The following ABCG2 variants were observed in gnomAD, a reference collection of about 807,000 sequenced individuals.
ABCG2 encodes the protein ATP binding cassette subfamily G member 2 (JR blood group), also known as broad substrate specificity ATP-binding cassette transporter ABCG2.
A neutral mutation model predicts 73.5 loss-of-function variants in ABCG2; 80 were observed. That is an observed-to-expected ratio of 1.09 (90% CI 0.91 to 1.31). The LOEUF is 1.31. Among genes scored for constraint, ABCG2 ranks in the 50% most tolerant of loss-of-function variants. The pLI is 0.00. For missense variants in ABCG2, 796 were observed against 786.2 expected (o/e 1.01, Z -0.15); for synonymous variants, 269 against 282.4 (o/e 0.95, Z 0.48).
chr4:88,128,668 G>C (rs1354973717), intron 5 of ABCG2, among the ~76,000 whole-genome samples: 1 of 152,096 alleles, frequency 6.6e-6, no homozygotes. Context: ...AACTAACACA[G>C]GAACAGAAAA....
chr4:88,168,590 A>G (rs972242472), intron 1 of ABCG2, among the ~76,000 whole-genome samples: 1 of 152,118 alleles, frequency 6.6e-6, no homozygotes, highest in Non-Finnish European at 1.5e-5. Context: ...TTGATAATTA[A>G]CCTGCAGAGT....
At chr4:88,210,121 A>G (rs1448733694) in intron 1 of ABCG2, among the ~76,000 whole-genome samples, 1 of 152,148 alleles carries the variant, frequency 6.6e-6, no homozygotes, top group Non-Finnish European at 1.5e-5. Flanking sequence ...ATAAGTTGGT[A>G]ATAAAATGTT....
In ABCG2 at chr4:88,113,221, A is replaced by G. The variant is rs935247790; in HGVS notation, c.1194+82T>C. The G allele has an allele frequency of 6.7e-6, 10 of 1,498,600 alleles. No homozygotes were observed. The Admixed American group carries it at 8.4e-5, about 13-fold the overall frequency. 92.8% of individuals were successfully genotyped at this position (1,498,600 alleles called of 1,614,324 possible). On this transcript the variant is annotated intron_variant, in intron 9 of 15. Coordinates refer to ENST00000237612, the MANE Select transcript of ABCG2 (RefSeq NM_004827.3). ...ATAACAAATAATTGGAAGGGTGGGT[A>G]GAAGATAAACATATCCTGAAGCAGA...
intron 1 of ABCG2, among the ~76,000 whole-genome samples, chr4:88,205,894 G>A (rs1729357964): frequency 6.6e-6 from 1 of 151,164 alleles, no homozygotes; most frequent in Admixed American, 6.6e-5. Context: ...TGTTGGCCAG[G>A]ATGGTCTCGA....
At chr4:88,156,186 C>G (rs555832556) in intron 1 of ABCG2, among the ~76,000 whole-genome samples, 4 of 151,864 alleles carry the variant, frequency 2.6e-5, no homozygotes, top group Admixed American at 1.3e-4. Flanking sequence ...ACCAGCCTGG[C>G]CAACATGGAA....
Position 88,181,072 on chromosome 4 carries a change from T to A in ABCG2, c.-19-41058A>T, listed in dbSNP as rs557578752. On this transcript the variant is annotated intron_variant, in intron 1 of 15. Coordinates refer to the ABCG2 transcript ENST00000515655. ...ATTAGTTTTCTCTTTGCTTGTTAGTTTGTTTATGCAATCAGTGTTAGGTTG... is the reference window on the plus strand; with the variant it reads ...ATTAGTTTTCTCTTTGCTTGTTAGTATGTTTATGCAATCAGTGTTAGGTTG... 2.0e-5 allele frequency among the ~76,000 whole-genome samples: 3 copies of A among 152,278 alleles called. No homozygotes were observed. The South Asian group carries it at 6.2e-4, about 32-fold the overall frequency.
chr4:88,138,899 T>C lies in ABCG2; in HGVS notation c.203+894A>G, dbSNP rs560882620. Among the ~76,000 whole-genome samples, 143 of 152,132 alleles carry C rather than the reference T, an allele frequency of 9.4e-4. 1 individual carries two copies. Among genetic ancestry groups the C allele is most frequent in the African/African-American group, 3.3e-3 (137 of 41,512 alleles). On this transcript the variant is annotated intron_variant, in intron 2 of 15. Coordinates refer to ENST00000237612, the MANE Select transcript of ABCG2 (RefSeq NM_004827.3). The stretch of plus-strand genomic sequence containing the variant: ...GCACAGTGGCTCACACCCCAGTGCT[T>C]TGGGAGGCTGAGGCGGGTGGATCAT...
At chr4:88,106,281 A>C (rs902036578) in intron 10 of ABCG2, among the ~76,000 whole-genome samples, 1 of 152,044 alleles carries the variant, frequency 6.6e-6, no homozygotes, top group African/African-American at 2.4e-5. Flanking sequence ...GGGACTACAG[A>C]CACATGCCAC....
At chr4:88,194,545 G>T (rs1473732057) in intron 1 of ABCG2, among the ~76,000 whole-genome samples, 1 of 45,584 alleles carries the variant, frequency 2.2e-5, no homozygotes, top group South Asian at 1.3e-3. Context: ...GCCAGACTCC[G>T]TCTCAAAAAA....
intron 1 of ABCG2, among the ~76,000 whole-genome samples, chr4:88,156,049 T>A (rs966649310): frequency 6.6e-6 from 1 of 151,950 alleles, no homozygotes; most frequent in African/African-American, 2.4e-5. Context: ...GCCTGAGCAT[T>A]CTCTGATGCC....
chr4:88,113,516 T>A lies in ABCG2; in HGVS notation c.981A>T (p.Pro327=). The A allele has an allele frequency of 6.2e-7, 1 of 1,614,146 alleles. No individual in the cohort carries two copies. The highest frequency in any genetic ancestry group is 8.5e-7 in the Non-Finnish European group (1 of 1,180,026). The change falls in exon 9 of 16, where the codon CCA becomes CCT. Residue 327 remains proline, a synonymous_variant. Coordinates refer to ENST00000237612, the MANE Select transcript of ABCG2 (RefSeq NM_004827.3). ...EIIEPSKQDK[P]LIEKLAEIYV... ...AAATCTCCGCTAATTTTTCTATGAGTGGCTTATCCTGCTTGGAAGGCTCTA... is the reference window on the plus strand; with the variant it reads ...AAATCTCCGCTAATTTTTCTATGAGAGGCTTATCCTGCTTGGAAGGCTCTA...
chr4:88,140,889 T>C (rs1725589354), intron 1 of ABCG2, among the ~76,000 whole-genome samples: 1 of 152,068 alleles, frequency 6.6e-6, no homozygotes, highest in Non-Finnish European at 1.5e-5. Context: ...CGAAAATCAT[T>C]AAGTAAATCA....
chr4:88,230,299 ATATATATATTTTTTT>A (rs1730404177), intron 1 of ABCG2, among the ~76,000 whole-genome samples: 1 of 5,148 alleles, frequency 1.9e-4, no homozygotes, highest in South Asian at 0.045. Context: ...TGTTATATAT[ATATATATATTTTTTT>A]TTTTGGCCAC....
chr4:88,139,753 T>G, intron 2 of ABCG2, 40 bp downstream of exon 2: 1 of 1,573,880 alleles, frequency 6.4e-7, no homozygotes, highest in Non-Finnish European at 8.7e-7. Context: ...TCACTGTAGG[T>G]AAATTAAAAA....
intron 1 of ABCG2, among the ~76,000 whole-genome samples, chr4:88,186,966 GC>G (rs1437755275): frequency 6.7e-6 from 1 of 150,348 alleles, no homozygotes; most frequent in Non-Finnish European, 1.5e-5. Context: ...GGTGGCAGGT[GC>G]CTGTAATCCC....
At chr4:88,100,641 C>A (rs1722344080) in intron 11 of ABCG2, among the ~76,000 whole-genome samples, 3 of 151,956 alleles carry the variant, frequency 2.0e-5, no homozygotes, top group South Asian at 4.2e-4. Context: ...CAAAGCAAGA[C>A]CCTGTCTCCA....
At chr4:88,188,139 C>A (rs1728539461) in intron 1 of ABCG2, among the ~76,000 whole-genome samples, 2 of 152,234 alleles carry the variant, frequency 1.3e-5, no homozygotes, top group African/African-American at 4.8e-5. Context: ...GGTTTTTGAT[C>A]ATTTTTGTAT....
chr4:88,211,204 A>T (rs974177167), intron 1 of ABCG2, among the ~76,000 whole-genome samples: 1 of 152,066 alleles, frequency 6.6e-6, no homozygotes, highest in Non-Finnish European at 1.5e-5. Context: ...AGCCACTTTC[A>T]TTGTGTATTT....
At chr4:88,124,046 T>G (rs1324818185) in intron 5 of ABCG2, among the ~76,000 whole-genome samples, 2 of 152,214 alleles carry the variant, frequency 1.3e-5, no homozygotes, top group Non-Finnish European at 2.9e-5. Flanking sequence ...ACCCAGAATT[T>G]CATATCCAGC....
Sources: allele counts gnomAD v4.1 joint callset (sites outside exome capture counted in the v4.1 genomes callset), GRCh38; gene constraint gnomAD v4.1.1; transcripts MANE v1.5; gene names NCBI Gene and HGNC (gene_info 2026-07-23, HGNC 2026-07-21).